Variants in AGAP1 observed in about 807,000 individuals in gnomAD.
AGAP1 encodes ArfGAP with GTPase domain, ankyrin repeat and PH domain 1.
Under a neutral mutation model 105.3 loss-of-function variants are expected in AGAP1, and 29 were observed. That is an observed-to-expected ratio of 0.28 (90% confidence interval 0.21 to 0.38). The LOEUF is 0.38. Ranked by LOEUF, AGAP1 falls within the 10% of genes least tolerant of loss-of-function variation. The pLI is 1.00. For missense variants in AGAP1, 998 were observed against 1,165.1 expected (o/e 0.86, Z 2.09); for synonymous variants, 509 against 485.9 (o/e 1.05, Z -0.63).
At chr2:235,768,816 G>A (rs796542708) in intron 6 of AGAP1, among the ~76,000 whole-genome samples, 2 of 152,292 alleles carry the variant, frequency 1.3e-5, no homozygotes, top group African/African-American at 4.8e-5. Flanking sequence ...TCGGGGATCT[G>A]GGCAGCCATG....
chr2:235,775,734 CCTTTA>C (rs1200880493), intron 6 of AGAP1: 1 of 152,126 alleles, frequency 6.6e-6, no homozygotes, highest in African/African-American at 2.4e-5. Context: ...GATGGAAGAG[CCTTTA>C]CTTTGTCTTA....
chr2:236,045,102 G>A lies in AGAP1; in HGVS notation c.1892-3957G>A, dbSNP rs948072053. ...CCTGATTTTTTAAATTTTTTGTAGA[G>A]AGGTAGTCTCACTATGCTGCCCAGG... On this transcript the variant is annotated intron_variant, in intron 15 of 17. Coordinates refer to ENST00000304032, the MANE Select transcript of AGAP1 (RefSeq NM_001037131.3). The surrounding 1 kb of genome is among the most constrained non-coding windows in gnomAD (Gnocchi z 6.9). Among the ~76,000 whole-genome samples the A allele has an allele frequency of 2.0e-5, 3 of 152,196 alleles. No individual in the cohort carries two copies. The highest frequency in any genetic ancestry group is 7.2e-5 in the African/African-American group (3 of 41,450).
At chr2:236,097,634 C>T (rs926626161) in intron 16 of AGAP1, among the ~76,000 whole-genome samples, 1 of 151,986 alleles carries the variant, frequency 6.6e-6, no homozygotes, top group Admixed American at 6.6e-5. Context: ...GTGTCTCACG[C>T]CTGTAATGCT....
rs1206713567 is a variant in AGAP1, at chr2:236,000,758, T to C, written c.1645+32135T>C. Among the ~76,000 whole-genome samples, 1 of 152,164 alleles carries C rather than the reference T, an allele frequency of 6.6e-6. No homozygotes were observed. Among genetic ancestry groups the C allele is most frequent in the Non-Finnish European group, 1.5e-5 (1 of 68,020 alleles). On this transcript the variant is annotated intron_variant, in intron 13 of 17. Transcript: ENST00000304032. This position sits in a 1 kb window ranked among gnomAD's most constrained non-coding sequence, Gnocchi z 4.3. ...GCGGGGCAGGTACTAGAGATTGTGT[T>C]TGCAGTGAGGGCCACTAAGGGGGGC...
chr2:235,698,090 G>A (rs539576174), intron 1 of AGAP1, among the ~76,000 whole-genome samples: 1 of 152,224 alleles, frequency 6.6e-6, no homozygotes, highest in South Asian at 2.1e-4. Flanking sequence ...AACTGTTCCA[G>A]CTCAGATCAT....
intron 10 of AGAP1, among the ~76,000 whole-genome samples, chr2:235,898,472 T>TCCCC (rs34001914): frequency 5.4e-3 from 654 of 121,340 alleles, no homozygotes; most frequent in Non-Finnish European, 6.4e-3. Flanking sequence ...GAGGACAGGT[T>TCCCC]CCCCCCCCCA....
chr2:235,958,016 A>G lies in AGAP1; in HGVS notation c.1484-10446A>G, dbSNP rs2054020117. Among the ~76,000 whole-genome samples the G allele has an allele frequency of 6.6e-6, 1 of 152,238 alleles. No individual in the cohort carries two copies. Among genetic ancestry groups the G allele is most frequent in the South Asian group, 2.1e-4 (1 of 4,834 alleles). On this transcript the variant is annotated intron_variant, in intron 12 of 17. Transcript: ENST00000304032. The surrounding 1 kb of genome is among the most constrained non-coding windows in gnomAD (Gnocchi z 4.1). ...CAGCAGGGGCAGGGGGCCGATACAT[A>G]CGTGCTTAGCATTTTCCTCTCTCTT... is the stretch of plus-strand genomic sequence containing the variant.
At chr2:235,504,984 C>T (rs188655798) in intron 1 of AGAP1, among the ~76,000 whole-genome samples, 54 of 152,298 alleles carry the variant, frequency 3.5e-4, no homozygotes, top group African/African-American at 1.3e-3. Context: ...GGGACTGGAA[C>T]AGGGGCCCCT....
In AGAP1 at chr2:235,724,580, G is replaced by T. The variant is rs1227874275; in HGVS notation, c.310+6936G>T. On this transcript the variant is annotated intron_variant, in intron 3 of 17. Transcript: ENST00000304032. This position sits in a 1 kb window ranked among gnomAD's most constrained non-coding sequence, Gnocchi z 4.9. ...CTCCCAGATGGAAAAGGTACCTGCG[G>T]TGGTGGGGGGAGGGGGAGTTCCCTA... 1.3e-5 allele frequency among the ~76,000 whole-genome samples: 2 copies of T among 152,182 alleles called. No homozygotes were observed. The highest frequency in any genetic ancestry group is 4.8e-5 in the African/African-American group (2 of 41,454).
Position 235,734,495 on chromosome 2 carries a change from CAA to C in AGAP1, c.311-6467_311-6466del, listed in dbSNP as rs1428504412. ...GGCTCTACACATGGAGCTTTGAAGT[CAA>C]GAGTCATTTTCATCCTTAGCTCAGG... On this transcript the variant is annotated intron_variant, in intron 3 of 17. Coordinates refer to ENST00000304032, the MANE Select transcript of AGAP1 (RefSeq NM_001037131.3). The surrounding 1 kb of genome is among the most constrained non-coding windows in gnomAD (Gnocchi z 5.3). 6.9e-6 allele frequency among the ~76,000 whole-genome samples: 1 copy of C among 145,370 alleles called. No individual in the cohort carries two copies. The highest frequency in any genetic ancestry group is 2.0e-4 in the East Asian group (1 of 4,976).
rs1371309427 is a variant in AGAP1, at chr2:235,958,850, G to A, written c.1484-9612G>A. Among the ~76,000 whole-genome samples, 3 of 152,196 alleles carry A rather than the reference G, an allele frequency of 2.0e-5. No individual in the cohort carries two copies. The highest frequency in any genetic ancestry group is 6.5e-5 in the Admixed American group (1 of 15,290). ...CTCTAGTCATGCTTGTCAGCTCTCC[G>A]AGTGAAAAGTGAAACTGCTTCTTTG... On this transcript the variant is annotated intron_variant, in intron 12 of 17. Transcript: ENST00000304032. The surrounding 1 kb of genome is among the most constrained non-coding windows in gnomAD (Gnocchi z 4.1).
rs944983743 is a variant in AGAP1, at chr2:235,551,381, T to C, written c.163+56532T>C. On this transcript the variant is annotated intron_variant, in intron 1 of 17. Transcript: ENST00000304032. This position sits in a 1 kb window ranked among gnomAD's most constrained non-coding sequence, Gnocchi z 4.8. ...GTGCAGTGGCTTGATCATAGCTCACTGCAGCCTCAACCTCCCCAGGCTCAG... is the reference window on the plus strand; with the variant it reads ...GTGCAGTGGCTTGATCATAGCTCACCGCAGCCTCAACCTCCCCAGGCTCAG... 5.9e-5 allele frequency among the ~76,000 whole-genome samples: 9 copies of C among 152,090 alleles called. No homozygotes were observed. Among genetic ancestry groups the C allele is most frequent in the African/African-American group, 1.7e-4 (7 of 41,426 alleles).
intron 1 of AGAP1, among the ~76,000 whole-genome samples, chr2:235,645,361 G>GC (rs1158757969): frequency 6.6e-6 from 1 of 152,216 alleles, no homozygotes; most frequent in Non-Finnish European, 1.5e-5. Flanking sequence ...TTTAAAGGAA[G>GC]CTAAGGGATA....
intron 10 of AGAP1, among the ~76,000 whole-genome samples, chr2:235,885,862 C>T (rs1173517363): frequency 1.3e-5 from 2 of 152,222 alleles, no homozygotes; most frequent in Non-Finnish European, 2.9e-5. Context: ...TAGATTCTTA[C>T]ATAGATATTC....
intron 1 of AGAP1, among the ~76,000 whole-genome samples, chr2:235,587,384 C>T (rs529372335): frequency 1.2e-4 from 19 of 152,226 alleles, no homozygotes; most frequent in African/African-American, 3.6e-4. Flanking sequence ...GCTGGGATTC[C>T]GAGCTCAGGG....
Position 235,992,168 on chromosome 2 carries a change from C to A in AGAP1, c.1645+23545C>A, listed in dbSNP as rs974824212. On this transcript the variant is annotated intron_variant, in intron 13 of 17. Coordinates refer to ENST00000304032, the MANE Select transcript of AGAP1 (RefSeq NM_001037131.3). The surrounding 1 kb of genome is among the most constrained non-coding windows in gnomAD (Gnocchi z 4.8). ...GCGGAGGAGCCTGTCTTCCTGGGTC[C>A]GAGTTGCGTGGTTAGGAGCGCAGCG... Among the ~76,000 whole-genome samples the A allele has an allele frequency of 6.6e-6, 1 of 151,058 alleles. No homozygotes were observed. The highest frequency in any genetic ancestry group is 1.5e-5 in the Non-Finnish European group (1 of 67,774).
chr2:235,854,825 G>A (rs1231105799), intron 9 of AGAP1, among the ~76,000 whole-genome samples: 1 of 152,192 alleles, frequency 6.6e-6, no homozygotes, highest in Admixed American at 6.5e-5. Flanking sequence ...GGAGTTAATG[G>A]AGCAAATGAG....
intron 6 of AGAP1, among the ~76,000 whole-genome samples, chr2:235,759,526 A>C (rs73996358): frequency 0.089 from 13,568 of 152,214 alleles, 2,005 homozygotes; most frequent in African/African-American, 0.3. Context: ...GATGGTCTCC[A>C]GAAGAGCCAC....
At chr2:235,618,970 CAG>C (rs1222848736) in intron 1 of AGAP1, among the ~76,000 whole-genome samples, 1 of 151,888 alleles carries the variant, frequency 6.6e-6, no homozygotes, top group Non-Finnish European at 1.5e-5. Flanking sequence ...TCTTTTGGGT[CAG>C]AGTCACAGAA....
Sources: gnomAD v4.1 joint callset for allele counts (sites outside exome capture counted in the v4.1 genomes callset) on GRCh38, gnomAD v4.1.1 for gene constraint, Gnocchi (gnomAD v3.1) non-coding constraint, MANE v1.5 for transcripts, NCBI Gene and HGNC (gene_info 2026-07-23, HGNC 2026-07-21) for gene names.